The following AK5 variants were observed in gnomAD, a reference collection of about 807,000 sequenced individuals.
AK5 encodes the protein adenylate kinase 5.
AK5 carries 27 observed loss-of-function variants against 69.5 expected under a neutral mutation model. The observed-to-expected ratio is 0.39, with a 90% CI of 0.29 to 0.54. The LOEUF (loss-of-function observed/expected upper bound fraction) is 0.54, where lower values mean the gene tolerates loss of function less well. Among genes scored for constraint, AK5 ranks in the 20% least tolerant of loss-of-function variants. AK5 has a pLI of 0.71. For synonymous variants in AK5, 260 were observed against 244.4 expected (o/e 1.06, Z -0.60); for missense variants, 531 against 700.4 (o/e 0.76, Z 2.73).
At chr1:77,461,997 T>C (rs1452002394) in intron 8 of AK5, among the ~76,000 whole-genome samples, 1 of 152,188 alleles carries the variant, frequency 6.6e-6, no homozygotes, top group Admixed American at 6.5e-5. Context: ...ATCTGTCAAT[T>C]TAAAGTGTTC....
chr1:77,447,185 G>A (rs1459487796), intron 8 of AK5, among the ~76,000 whole-genome samples: 1 of 152,236 alleles, frequency 6.6e-6, no homozygotes, highest in Admixed American at 6.5e-5. Flanking sequence ...GGGCCTTAGG[G>A]CTAATTGATT....
intron 5 of AK5, among the ~76,000 whole-genome samples, chr1:77,332,439 G>T (rs1258796315): frequency 6.7e-6 from 1 of 148,452 alleles, no homozygotes; most frequent in Admixed American, 6.7e-5. Flanking sequence ...ATAGATCACT[G>T]ATTTCAACCT....
intron 13 of AK5, among the ~76,000 whole-genome samples, chr1:77,549,354 G>C (rs1347682161): frequency 2.6e-5 from 4 of 151,958 alleles, no homozygotes; most frequent in African/African-American, 9.7e-5. Context: ...TATGGGGTAC[G>C]TAAGCTACTT....
intron 13 of AK5, among the ~76,000 whole-genome samples, chr1:77,550,684 A>T (rs1157935530): frequency 6.6e-6 from 1 of 152,228 alleles, no homozygotes; most frequent in African/African-American, 2.4e-5. Context: ...ATTTCTTTTG[A>T]GTTGCAGTTA....
At chr1:77,468,159 T>A (rs1654258398) in intron 8 of AK5, among the ~76,000 whole-genome samples, 1 of 152,236 alleles carries the variant, frequency 6.6e-6, no homozygotes. Flanking sequence ...GTGGTTGCAG[T>A]GTCTGACTGA....
intron 8 of AK5, among the ~76,000 whole-genome samples, chr1:77,470,853 ATATATATATATATATATATATATTTTT>A (rs1557615676): frequency 3.4e-4 from 1 of 2,970 alleles, no homozygotes; most frequent in Non-Finnish European, 1.1e-3. Flanking sequence ...ATATATATAT[ATATATATATATATATATATATATTTTT>A]TTTTTTTTTT....
intron 13 of AK5, among the ~76,000 whole-genome samples, chr1:77,536,586 A>C (rs1270941774): frequency 6.6e-6 from 1 of 152,232 alleles, no homozygotes; most frequent in African/African-American, 2.4e-5. Context: ...AGATCCCCTT[A>C]TAGTTGCTGA....
chr1:77,381,615 G>A (rs1314566394), intron 6 of AK5, among the ~76,000 whole-genome samples: 1 of 152,168 alleles, frequency 6.6e-6, no homozygotes, highest in East Asian at 1.9e-4. Context: ...TCAATAGTGG[G>A]ATATCCTTGA....
At chr1:77,470,847 ATATATATATATATATATATATATATATAT>A (rs1428667869) in intron 8 of AK5, among the ~76,000 whole-genome samples, 69 of 1,668 alleles carry the variant, frequency 0.041, 8 homozygotes, top group African/African-American at 0.11. Flanking sequence ...ATATATATAT[ATATATATATATATATATATATATATATAT>A]TTTTTTTTTT....
chr1:77,316,714 A>C (rs1465400385), intron 5 of AK5, among the ~76,000 whole-genome samples: 1 of 152,240 alleles, frequency 6.6e-6, no homozygotes, highest in African/African-American at 2.4e-5. Context: ...GGAACTAATG[A>C]CTTAGCTTGT....
intron 6 of AK5, among the ~76,000 whole-genome samples, chr1:77,389,795 C>G (rs1449850983): frequency 1.3e-5 from 2 of 151,916 alleles, no homozygotes; most frequent in East Asian, 3.9e-4. Flanking sequence ...AACCCCATCT[C>G]TACAAAAAAT....
chr1:77,349,167 C>T (rs1662065351), intron 6 of AK5, among the ~76,000 whole-genome samples: 2 of 152,086 alleles, frequency 1.3e-5, no homozygotes, highest in South Asian at 4.1e-4. Flanking sequence ...TTCCTGAATG[C>T]TTAATACGTG....
chr1:77,448,631 C>T (rs1158895364), intron 8 of AK5, among the ~76,000 whole-genome samples: 1 of 152,246 alleles, frequency 6.6e-6, no homozygotes, highest in Non-Finnish European at 1.5e-5. Context: ...GGTTGCAGGA[C>T]AAGCACTTGG....
chr1:77,334,544 T>C (rs375743629), intron 5 of AK5, among the ~76,000 whole-genome samples: 2 of 152,178 alleles, frequency 1.3e-5, no homozygotes, highest in African/African-American at 4.8e-5. Flanking sequence ...TTCTTCATTT[T>C]CTCTCCGTTT....
intron 8 of AK5, among the ~76,000 whole-genome samples, chr1:77,438,240 A>G (rs57412768): frequency 0.39 from 57,959 of 147,634 alleles, 11,758 homozygotes; most frequent in East Asian, 0.58. Context: ...AGGAGAAAAA[A>G]AGAAGTTGAG....
chr1:77,549,732 C>T (rs1659726807), intron 13 of AK5, among the ~76,000 whole-genome samples: 1 of 152,206 alleles, frequency 6.6e-6, no homozygotes, highest in South Asian at 2.1e-4. Flanking sequence ...TTTCACTTAA[C>T]ATGACTTCCA....
chr1:77,294,528 T>C (rs1218112106), intron 3 of AK5, among the ~76,000 whole-genome samples: 3 of 152,160 alleles, frequency 2.0e-5, no homozygotes, highest in Non-Finnish European at 4.4e-5. Context: ...TGGTAAAGAT[T>C]CATATAAATG....
At chr1:77,417,184 C>T (rs1032249588) in intron 7 of AK5, among the ~76,000 whole-genome samples, 1 of 152,118 alleles carries the variant, frequency 6.6e-6, no homozygotes, top group East Asian at 1.9e-4. Flanking sequence ...CCCTTACTCT[C>T]CTCCCACTCT....
intron 6 of AK5, among the ~76,000 whole-genome samples, chr1:77,396,041 G>T (rs1179511500): frequency 6.6e-6 from 1 of 152,112 alleles, no homozygotes; most frequent in Non-Finnish European, 1.5e-5. Context: ...TTATTTTTCT[G>T]TATGATCCAC....
Sources: allele counts gnomAD v4.1 joint callset (sites outside exome capture counted in the v4.1 genomes callset), GRCh38; gene constraint gnomAD v4.1.1; transcripts MANE v1.5; gene names NCBI Gene and HGNC (gene_info 2026-07-23, HGNC 2026-07-21).